Variants in GALNTL6 observed in about 807,000 individuals in gnomAD.
GALNTL6 encodes polypeptide N-acetylgalactosaminyltransferase like 6.
A neutral mutation model predicts 73.7 loss-of-function variants in GALNTL6; 46 were observed. That is an observed-to-expected ratio of 0.62 (90% CI 0.49 to 0.80). The LOEUF is 0.80. Among genes scored for constraint, GALNTL6 ranks in the 30% least tolerant of loss-of-function variants. The probability of loss-of-function intolerance (pLI) is 0.00; values close to 1 mark genes in which losing one functional copy is unlikely to be tolerated. For missense variants in GALNTL6, 604 were observed against 755.0 expected (o/e 0.80, Z 2.34); for synonymous variants, 259 against 263.7 (o/e 0.98, Z 0.17).
chr4:172,976,475 A>G (rs1488473950), intron 10 of GALNTL6, among the ~76,000 whole-genome samples: 3 of 152,226 alleles, frequency 2.0e-5, no homozygotes, highest in East Asian at 3.9e-4. Context: ...CTGCATGCCC[A>G]GAAGTACAGT....
intron 8 of GALNTL6, among the ~76,000 whole-genome samples, chr4:172,893,496 C>G (rs1414927700): frequency 2.0e-5 from 3 of 152,154 alleles, no homozygotes; most frequent in African/African-American, 7.2e-5. Flanking sequence ...GCAGAAGGAG[C>G]CAAACTACTC....
At chr4:172,341,600 G>A (rs1280764112) in intron 4 of GALNTL6, among the ~76,000 whole-genome samples, 1 of 152,162 alleles carries the variant, frequency 6.6e-6, no homozygotes, top group African/African-American at 2.4e-5. Flanking sequence ...AATCATGGGG[G>A]TGGGTCTTTC....
At chr4:172,565,361 G>A (rs1195419109) in intron 5 of GALNTL6, among the ~76,000 whole-genome samples, 1 of 152,152 alleles carries the variant, frequency 6.6e-6, no homozygotes, top group Non-Finnish European at 1.5e-5. Context: ...ATGATCATGT[G>A]ATTTTTATCC....
chr4:172,427,750 A>T (rs898360956), intron 5 of GALNTL6, among the ~76,000 whole-genome samples: 3 of 152,190 alleles, frequency 2.0e-5, no homozygotes, highest in Non-Finnish European at 2.9e-5. Flanking sequence ...CCATGTCTGA[A>T]CTTTTTGACT....
chr4:172,492,592 A>G (rs924878157), intron 5 of GALNTL6, among the ~76,000 whole-genome samples: 3 of 152,186 alleles, frequency 2.0e-5, no homozygotes, highest in Non-Finnish European at 4.4e-5. Context: ...TGCTCGCAGT[A>G]TAATAGTTCA....
chr4:172,873,345 G>T (rs1225345869), intron 7 of GALNTL6, among the ~76,000 whole-genome samples: 1 of 152,116 alleles, frequency 6.6e-6, no homozygotes, highest in Non-Finnish European at 1.5e-5. Context: ...ATTCTCTCAC[G>T]ATAACTCAGA....
At chr4:172,005,319 G>A (rs190559148) in intron 2 of GALNTL6, among the ~76,000 whole-genome samples, 18 of 151,980 alleles carry the variant, frequency 1.2e-4, no homozygotes, top group Non-Finnish European at 2.2e-4. Context: ...TATAGATGAG[G>A]TTTTGCTACA....
intron 5 of GALNTL6, among the ~76,000 whole-genome samples, chr4:172,709,532 A>G (rs920960427): frequency 1.3e-5 from 2 of 152,148 alleles, no homozygotes; most frequent in Admixed American, 6.5e-5. Context: ...GATAAAACAA[A>G]CAGTTCAGAG....
chr4:172,406,074 A>C (rs920638662), intron 5 of GALNTL6, among the ~76,000 whole-genome samples: 1 of 152,112 alleles, frequency 6.6e-6, no homozygotes, highest in Non-Finnish European at 1.5e-5. Context: ...ATAAGGAAAA[A>C]TCATAAATAA....
intron 10 of GALNTL6, among the ~76,000 whole-genome samples, chr4:172,976,111 T>G (rs1158087089): frequency 1.3e-5 from 2 of 152,162 alleles, no homozygotes; most frequent in African/African-American, 4.8e-5. Flanking sequence ...GCTAGCTCCT[T>G]GACAGCCACT....
intron 5 of GALNTL6, among the ~76,000 whole-genome samples, chr4:172,748,474 T>C (rs1357057989): frequency 6.6e-6 from 1 of 152,134 alleles, no homozygotes; most frequent in Admixed American, 6.5e-5. Flanking sequence ...AATATATTTT[T>C]TTTTTCTCTC....
At chr4:172,906,922 T>C (rs1213737562) in intron 8 of GALNTL6, among the ~76,000 whole-genome samples, 1 of 152,218 alleles carries the variant, frequency 6.6e-6, no homozygotes, top group East Asian at 1.9e-4. Context: ...ACCATAATTA[T>C]ATCTTCAAAA....
At chr4:172,945,080 A>C (rs1749099289) in intron 9 of GALNTL6, among the ~76,000 whole-genome samples, 1 of 151,950 alleles carries the variant, frequency 6.6e-6, no homozygotes, top group Admixed American at 6.6e-5. Context: ...AAAGAAAAAA[A>C]AAGAATACTA....
chr4:173,009,973 C>T (rs34763838), intron 11 of GALNTL6, among the ~76,000 whole-genome samples: 89,151 of 152,104 alleles, frequency 0.59, 27,443 homozygotes, highest in South Asian at 0.78. Context: ...GTGTCCATCC[C>T]CTCAAGCATT....
chr4:172,176,655 G>A lies in GALNTL6; in HGVS notation c.139-53001G>A, dbSNP rs533439529. On this transcript the variant is annotated intron_variant, in intron 2 of 12. Transcript: ENST00000506823. ...AAATTAAAAATTAGATGGGCATGGT[G>A]GTGCATGCCTGTAGTTCTAGCTACT... Among the ~76,000 whole-genome samples the A allele has an allele frequency of 9.0e-3, 1,362 of 152,146 alleles. 23 individuals carry two copies. Among genetic ancestry groups the A allele is most frequent in the Non-Finnish European group, 0.012 (839 of 67,994 alleles).
At chr4:172,239,522 C>A (rs1381100570) in intron 3 of GALNTL6, among the ~76,000 whole-genome samples, 3 of 151,608 alleles carry the variant, frequency 2.0e-5, no homozygotes, top group African/African-American at 7.3e-5. Flanking sequence ...CTTATTTATT[C>A]TTTCAAATAA....
chr4:172,005,211 G>A (rs1376068346), intron 2 of GALNTL6, among the ~76,000 whole-genome samples: 3 of 151,922 alleles, frequency 2.0e-5, no homozygotes, highest in South Asian at 2.1e-4. Context: ...TGCAACTTCT[G>A]CCTCCCTGGC....
At chr4:172,715,885 C>T (rs745379636) in intron 5 of GALNTL6, among the ~76,000 whole-genome samples, 23 of 152,262 alleles carry the variant, frequency 1.5e-4, no homozygotes, top group Non-Finnish European at 3.2e-4. Context: ...AAACTAAGTA[C>T]ACTATGTTAC....
intron 7 of GALNTL6, among the ~76,000 whole-genome samples, chr4:172,852,085 T>C (rs1379202938): frequency 6.6e-6 from 1 of 152,166 alleles, no homozygotes; most frequent in Non-Finnish European, 1.5e-5. Context: ...ATAAGAAGTG[T>C]CTAGGCATTG....
Sources: allele counts gnomAD v4.1 joint callset (sites outside exome capture counted in the v4.1 genomes callset), GRCh38; gene constraint gnomAD v4.1.1; transcripts MANE v1.5; gene names NCBI Gene and HGNC (gene_info 2026-07-23, HGNC 2026-07-21).